The following N4BP2L2 variants were observed in gnomAD, a reference collection of about 807,000 sequenced individuals.
N4BP2L2 encodes the protein NEDD4-binding protein 2-like 2.
In N4BP2L2, 50 loss-of-function variants were observed where a neutral mutation model predicts 56.2. The observed-to-expected ratio is 0.89, with a 90% CI of 0.71 to 1.13. The LOEUF is 1.13. Ranked by LOEUF, N4BP2L2 falls within the 50% of genes most tolerant of loss-of-function variation. N4BP2L2 has a pLI of 0.00. For missense variants in N4BP2L2, 689 were observed against 693.8 expected, an observed-to-expected ratio of 0.99 and a Z score of 0.08; for synonymous variants, 203 against 223.6, an observed-to-expected ratio of 0.91 and a Z score of 0.82.
chr13:32,488,885 A>G (rs551660376), intron 6 of N4BP2L2, among the ~76,000 whole-genome samples: 2 of 152,224 alleles, frequency 1.3e-5, no homozygotes, highest in African/African-American at 2.4e-5. Flanking sequence ...TTAGAATAAT[A>G]AATCCACCTA....
At chr13:32,458,763 T>C (rs1460257268) in intron 6 of N4BP2L2, among the ~76,000 whole-genome samples, 1 of 152,176 alleles carries the variant, frequency 6.6e-6, no homozygotes, top group African/African-American at 2.4e-5. Context: ...AAACATAAGA[T>C]TTAAACTGCA....
At chr13:32,443,119 T>C (rs2076597451) in exon 7 of N4BP2L2, 1 of 1,613,274 alleles carries the variant, frequency 6.2e-7, no homozygotes, top group East Asian at 2.2e-5. Context: ...CTTTGGTATA[T>C]CCGGTTGAGG....
At chr13:32,499,788 G>C (rs2089601316) in intron 6 of N4BP2L2, among the ~76,000 whole-genome samples, 1 of 152,080 alleles carries the variant, frequency 6.6e-6, no homozygotes, top group African/African-American at 2.4e-5. Flanking sequence ...TTCAGGGCTG[G>C]GAAGGCAGGC....
In N4BP2L2 at chr13:32,538,603, G is replaced by T; in HGVS notation, c.-1+15C>A. The T allele has an allele frequency of 2.0e-6, 2 of 984,732 alleles. No individual in the cohort carries two copies. Among genetic ancestry groups the T allele is most frequent in the Non-Finnish European group, 2.4e-6 (2 of 829,378 alleles). The allele number at this position is 984,732 out of a possible 1,614,324, so 61.0% of individuals were successfully genotyped here. On this transcript the variant is annotated intron_variant, in intron 1 of 5. Transcript: ENST00000267068. Reference sequence around the variant, plus strand: ...CCACCGCCCCACCCTCACCTAAAACGGGGTGTCTACTCACCTTACTCTACC... The same window carrying T: ...CCACCGCCCCACCCTCACCTAAAACTGGGTGTCTACTCACCTTACTCTACC...
At chr13:32,490,296 G>GT (rs879841385) in intron 6 of N4BP2L2, among the ~76,000 whole-genome samples, 2 of 151,872 alleles carry the variant, frequency 1.3e-5, no homozygotes, top group African/African-American at 2.4e-5. Flanking sequence ...CTACTGTTTT[G>GT]TTTTTTTGTT....
chr13:32,513,922 T>C (rs2048658301), exon 6 of N4BP2L2: 1 of 152,176 alleles, frequency 6.6e-6, no homozygotes, highest in Non-Finnish European at 1.5e-5. Flanking sequence ...CCAATTTTCT[T>C]TATAAATAGT....
At chr13:32,518,456 A>T (rs2049815335) in intron 5 of N4BP2L2, among the ~76,000 whole-genome samples, 1 of 152,194 alleles carries the variant, frequency 6.6e-6, no homozygotes, top group Admixed American at 6.5e-5. Flanking sequence ...TTACAGACAC[A>T]ATTTGAACAT....
intron 6 of N4BP2L2, among the ~76,000 whole-genome samples, chr13:32,504,274 C>T (rs2090543423): frequency 6.6e-6 from 1 of 152,202 alleles, no homozygotes; most frequent in South Asian, 2.1e-4. Flanking sequence ...GTACCAAAGA[C>T]TAGGTGGCTT....
intron 6 of N4BP2L2, among the ~76,000 whole-genome samples, chr13:32,489,239 T>G (rs1178021328): frequency 1.3e-5 from 2 of 152,222 alleles, no homozygotes; most frequent in East Asian, 1.9e-4. Context: ...AGCTACGAAT[T>G]AGAATAATTC....
intron 9 of N4BP2L2, among the ~76,000 whole-genome samples, chr13:32,434,043 A>G (rs2075158518): frequency 6.6e-6 from 1 of 151,570 alleles, no homozygotes; most frequent in Non-Finnish European, 1.5e-5. Flanking sequence ...ATTATTTTTC[A>G]GGCACTAGGC....
At chr13:32,442,452 T>C in exon 7 of N4BP2L2, 1 of 1,612,384 alleles carries the variant, frequency 6.2e-7, no homozygotes, top group Non-Finnish European at 8.5e-7. Flanking sequence ...GTGATAATGG[T>C]AGCTCAAGGG....
At chr13:32,533,277 T>G (rs558254461) in intron 2 of N4BP2L2, among the ~76,000 whole-genome samples, 114 of 152,230 alleles carry the variant, frequency 7.5e-4, no homozygotes, top group Non-Finnish European at 1.4e-3. Flanking sequence ...TATCGGGCTA[T>G]CCTACCCATA....
chr13:32,460,121 A>G (rs2079761960), intron 6 of N4BP2L2, among the ~76,000 whole-genome samples: 1 of 152,156 alleles, frequency 6.6e-6, no homozygotes, highest in Non-Finnish European at 1.5e-5. Context: ...CATGATAAAA[A>G]CTCTCAAAAA....
intron 1 of N4BP2L2, 136 bp from the exon 2 acceptor site, chr13:32,537,163 A>T (rs1310246966): frequency 5.1e-6 from 3 of 593,760 alleles, no homozygotes; most frequent in Non-Finnish European, 7.9e-6. Flanking sequence ...CCAAAATACC[A>T]GTCACTTTCA....
chr13:32,466,910 A>G (rs1378306799), intron 6 of N4BP2L2, among the ~76,000 whole-genome samples: 1 of 152,236 alleles, frequency 6.6e-6, no homozygotes, highest in African/African-American at 2.4e-5. Context: ...AAGAACTCAC[A>G]TAGATTCACA....
chr13:32,479,238 A>G (rs1244647172), intron 6 of N4BP2L2, among the ~76,000 whole-genome samples: 2 of 152,038 alleles, frequency 1.3e-5, no homozygotes, highest in Non-Finnish European at 2.9e-5. Flanking sequence ...TCTAGTTATC[A>G]ATGTTTTCAT....
chr13:32,477,445 A>G (rs1257930565), intron 6 of N4BP2L2: 1 of 180,438 alleles, frequency 5.5e-6, no homozygotes, highest in Non-Finnish European at 1.2e-5. Flanking sequence ...AAAATATACA[A>G]CTCTCTTGCC....
chr13:32,499,776 T>C (rs1260377322), intron 6 of N4BP2L2, among the ~76,000 whole-genome samples: 1 of 152,160 alleles, frequency 6.6e-6, no homozygotes, highest in Non-Finnish European at 1.5e-5. Flanking sequence ...ATAAAGCCTT[T>C]GTTCAGGGCT....
intron 6 of N4BP2L2, among the ~76,000 whole-genome samples, chr13:32,469,444 C>T (rs149814128): frequency 1.3e-3 from 195 of 152,244 alleles, no homozygotes; most frequent in African/African-American, 4.5e-3. Flanking sequence ...CAGTCATGAG[C>T]AGGACATGCA....
Sources: gnomAD v4.1 joint callset for allele counts (sites outside exome capture counted in the v4.1 genomes callset) on GRCh38, gnomAD v4.1.1 for gene constraint, MANE v1.5 for transcripts, NCBI Gene and HGNC (gene_info 2026-07-23, HGNC 2026-07-21) for gene names.